ATP2C1: variants seen among roughly 807,000 people sequenced by gnomAD.
The protein encoded by ATP2C1 is ATPase secretory pathway Ca2+ transporting 1.
Under a neutral mutation model 120.5 loss-of-function variants are expected in ATP2C1, and 31 were observed. That is an observed-to-expected ratio of 0.26 (90% CI 0.19 to 0.35). ATP2C1 has a LOEUF of 0.35. ATP2C1 is among the 10% of genes least tolerant of loss of function. The pLI is 1.00. For missense variants in ATP2C1, 731 were observed against 1,107.5 expected, an observed-to-expected ratio of 0.66 and a Z score of 4.83; for synonymous variants, 351 against 358.7, an observed-to-expected ratio of 0.98 and a Z score of 0.24.
downstream of ATP2C1, among the ~76,000 whole-genome samples, chr3:131,006,639 G>T (rs1260046028): frequency 2.7e-4 from 2 of 7,444 alleles, no homozygotes; most frequent in South Asian, 2.2e-3. Context: ...GTGTGTTTGT[G>T]TGTGTGTGTG....
At chr3:130,886,787 T>C (rs2107844698) in intron 1 of ATP2C1, among the ~76,000 whole-genome samples, 1 of 152,356 alleles carries the variant, frequency 6.6e-6, no homozygotes, top group African/African-American at 2.4e-5. Context: ...AAAAGAGCTA[T>C]TTTGAATTCT....
upstream of ATP2C1, among the ~76,000 whole-genome samples, chr3:130,890,430 C>A (rs1181405297): frequency 6.6e-6 from 1 of 152,138 alleles, no homozygotes; most frequent in Non-Finnish European, 1.5e-5. Flanking sequence ...GAATCTGAGC[C>A]AATGAATGGA....
intron 14 of ATP2C1, 106 bp from the exon 15 acceptor site, chr3:130,967,039 A>G (rs2061076800): frequency 4.7e-6 from 4 of 851,876 alleles, no homozygotes; most frequent in Admixed American, 3.5e-5. Context: ...CAGTGTCATT[A>G]TAAATAAAAT....
intron 8 of ATP2C1, among the ~76,000 whole-genome samples, chr3:130,945,306 A>G (rs954911966): frequency 2.6e-5 from 4 of 152,178 alleles, no homozygotes; most frequent in Admixed American, 6.5e-5. Flanking sequence ...AGATGAAGCA[A>G]TCTTATTGAC....
intron 1 of ATP2C1, among the ~76,000 whole-genome samples, chr3:130,854,888 A>G (rs1279428450): frequency 6.6e-6 from 1 of 152,198 alleles, no homozygotes; most frequent in Non-Finnish European, 1.5e-5. Flanking sequence ...CATCTACTTG[A>G]TATCTCCATC....
Position 130,983,446 on chromosome 3 carries a change from A to G in ATP2C1, c.1839+2767A>G, listed in dbSNP as rs79031879. On this transcript the variant is annotated intron_variant, in intron 20 of 27. Coordinates refer to ENST00000510168, the MANE Select transcript of ATP2C1 (RefSeq NM_001378687.1). ...TATTAATAGACTGCATTACTGTAGT[A>G]TATTTATTGCAATTAATGAGCTAAT... 7.2e-3 allele frequency among the ~76,000 whole-genome samples: 1,104 copies of G among 152,354 alleles called. 17 individuals are homozygous for G. Among genetic ancestry groups the G allele is most frequent in the African/African-American group, 0.025 (1,050 of 41,586 alleles).
intron 26 of ATP2C1, among the ~76,000 whole-genome samples, chr3:131,013,640 T>A (rs2063430520): frequency 6.6e-6 from 1 of 152,234 alleles, no homozygotes; most frequent in African/African-American, 2.4e-5. Context: ...CACTTCTAAC[T>A]TTCATTGGCC....
chr3:130,899,882 A>T (rs573344094), intron 2 of ATP2C1, among the ~76,000 whole-genome samples: 1 of 152,196 alleles, frequency 6.6e-6, no homozygotes, highest in South Asian at 2.1e-4. Context: ...GTATTAGAGA[A>T]TGTGTGAATT....
At chr3:130,885,114 A>G (rs2068929145) in intron 1 of ATP2C1, among the ~76,000 whole-genome samples, 1 of 151,628 alleles carries the variant, frequency 6.6e-6, no homozygotes, top group Non-Finnish European at 1.5e-5. Flanking sequence ...TTGTATTTTT[A>G]GTAGAGACGG....
At chr3:130,941,501 C>T in intron 7 of ATP2C1, 90 bp from the exon 8 acceptor site, 1 of 1,034,530 alleles carries the variant, frequency 9.7e-7, no homozygotes, top group South Asian at 1.4e-5. Flanking sequence ...TTTGCCTTTT[C>T]CTCAGACAAG....
intron 20 of ATP2C1, among the ~76,000 whole-genome samples, chr3:130,988,934 A>G (rs1172487406): frequency 6.6e-6 from 1 of 152,140 alleles, no homozygotes; most frequent in Non-Finnish European, 1.5e-5. Flanking sequence ...GGCATCTGGT[A>G]GTGTTACCAA....
chr3:130,863,514 A>G (rs988224844), intron 1 of ATP2C1, among the ~76,000 whole-genome samples: 3 of 152,230 alleles, frequency 2.0e-5, no homozygotes, highest in Non-Finnish European at 4.4e-5. Context: ...TCACTAAAGA[A>G]AGATAAAGTC....
At chr3:130,851,426 G>A (rs2067671759) in intron 1 of ATP2C1, among the ~76,000 whole-genome samples, 1 of 152,146 alleles carries the variant, frequency 6.6e-6, no homozygotes, top group Non-Finnish European at 1.5e-5. Context: ...GGTCATTTTT[G>A]TGTGTGTAAA....
chr3:130,964,934 A>G lies in ATP2C1; in HGVS notation c.1025-14A>G. On this transcript the variant is annotated splice_polypyrimidine_tract_variant and intron_variant, in intron 13 of 27. Coordinates refer to ENST00000510168, the MANE Select transcript of ATP2C1 (RefSeq NM_001378687.1). ...TTGATTCTTTTGGTGACTTGTAATGATTTAATTCTTTAGGCTGCTGTAATG... is the reference window on the plus strand; with the variant it reads ...TTGATTCTTTTGGTGACTTGTAATGGTTTAATTCTTTAGGCTGCTGTAATG... The G allele has an allele frequency of 6.3e-7, 1 of 1,594,568 alleles. No individual in the cohort carries two copies. Among genetic ancestry groups the G allele is most frequent in the Non-Finnish European group, 8.6e-7 (1 of 1,163,686 alleles).
intron 2 of ATP2C1, among the ~76,000 whole-genome samples, chr3:130,922,153 T>C (rs1102905): frequency 0.47 from 72,046 of 152,010 alleles, 19,102 homozygotes; most frequent in Middle Eastern, 0.64. Flanking sequence ...TATTGGTCTG[T>C]TCAGAGTTTC....
At chr3:130,888,591 T>C (rs2069057085) in intron 1 of ATP2C1, among the ~76,000 whole-genome samples, 1 of 152,180 alleles carries the variant, frequency 6.6e-6, no homozygotes, top group African/African-American at 2.4e-5. Flanking sequence ...CAGCATGGCT[T>C]TGCTCTCCAC....
intron 2 of ATP2C1, among the ~76,000 whole-genome samples, chr3:130,916,454 A>G (rs2058695646): frequency 1.3e-5 from 2 of 152,032 alleles, no homozygotes; most frequent in African/African-American, 4.8e-5. Context: ...GTGAGGTCGA[A>G]ACTATGATTT....
At chr3:130,896,052 C>T (rs919042559) in intron 2 of ATP2C1, among the ~76,000 whole-genome samples, 38 of 152,164 alleles carry the variant, frequency 2.5e-4, no homozygotes, top group African/African-American at 9.2e-4. Context: ...TTAAGAAAGG[C>T]AAATCCATTC....
At chr3:130,851,114 A>G (rs1334449443) in intron 1 of ATP2C1, among the ~76,000 whole-genome samples, 1 of 152,194 alleles carries the variant, frequency 6.6e-6, no homozygotes, top group Non-Finnish European at 1.5e-5. Flanking sequence ...TAAACTTGGA[A>G]CATTCAGATC....
Sources: gnomAD v4.1 joint callset for allele counts (sites outside exome capture counted in the v4.1 genomes callset) on GRCh38, gnomAD v4.1.1 for gene constraint, MANE v1.5 for transcripts, NCBI Gene and HGNC (gene_info 2026-07-23, HGNC 2026-07-21) for gene names.